The following TLL2 variants were observed in gnomAD, a reference collection of about 807,000 sequenced individuals.
The protein encoded by TLL2 is tolloid-like protein 2.
TLL2 carries 106 observed loss-of-function variants against 123.0 expected under a neutral mutation model. The ratio of observed to expected loss-of-function variants is 0.86; its 90% CI spans 0.74 to 1.01. The LOEUF is 1.01. Ranked by LOEUF, TLL2 falls within the 50% of genes least tolerant of loss-of-function variation. The probability of loss-of-function intolerance (pLI) is 0.00; values close to 1 mark genes in which losing one functional copy is unlikely to be tolerated. For synonymous variants in TLL2, 494 were observed against 516.8 expected, an observed-to-expected ratio of 0.96 and a Z score of 0.60; for missense variants, 1,332 against 1,336.7, an observed-to-expected ratio of 1.00 and a Z score of 0.06.
chr10:96,385,621 G>T (rs1054301144), intron 15 of TLL2, among the ~76,000 whole-genome samples: 4 of 152,316 alleles, frequency 2.6e-5, no homozygotes, highest in Non-Finnish European at 5.9e-5. Flanking sequence ...CACTCCAGCT[G>T]TAGGGTGCTG....
chr10:96,420,946 A>G lies in TLL2; in HGVS notation c.923+10T>C. On this transcript the variant is annotated intron_variant, in intron 7 of 20. Transcript: ENST00000357947. ...TAAAACACAGACGAGGCATAAGCATAGATTCCGACCTTGAGAAGGTGTTCC... is the reference window on the plus strand; with the variant it reads ...TAAAACACAGACGAGGCATAAGCATGGATTCCGACCTTGAGAAGGTGTTCC... 1 of 1,613,280 alleles carries G rather than the reference A, an allele frequency of 6.2e-7. No homozygotes were observed.
intron 1 of TLL2, among the ~76,000 whole-genome samples, chr10:96,512,121 T>C (rs10748681): frequency 0.46 from 69,352 of 151,754 alleles, 16,302 homozygotes; most frequent in South Asian, 0.55. Flanking sequence ...GCAGGAAACT[T>C]CCCTTACTAA....
intron 3 of TLL2, among the ~76,000 whole-genome samples, chr10:96,440,112 C>T (rs1021574610): frequency 1.1e-4 from 17 of 152,152 alleles, no homozygotes; most frequent in Admixed American, 2.0e-4. Context: ...GCTTACTTCA[C>T]CTTTTAGATG....
At chr10:96,415,183 A>G (rs563862568) in intron 7 of TLL2, among the ~76,000 whole-genome samples, 106 of 152,326 alleles carry the variant, frequency 7.0e-4, no homozygotes, top group African/African-American at 2.5e-3. Flanking sequence ...CTTTAATCCC[A>G]TAACCAAAAG....
At chr10:96,436,435 T>G (rs944311998) in intron 3 of TLL2, among the ~76,000 whole-genome samples, 1 of 152,216 alleles carries the variant, frequency 6.6e-6, no homozygotes, top group Non-Finnish European at 1.5e-5. Flanking sequence ...TTACAAAAAT[T>G]TTTGGCTTCT....
rs79488984 is a variant in TLL2, at chr10:96,463,011, G to A, written c.287-16843C>T. Among the ~76,000 whole-genome samples the A allele has an allele frequency of 1.2e-3, 189 of 152,300 alleles. 5 individuals are homozygous for A. In the East Asian group the frequency reaches 0.03, roughly 25 times the overall value. On this transcript the variant is annotated intron_variant, in intron 2 of 20. Coordinates refer to ENST00000357947, the MANE Select transcript of TLL2 (RefSeq NM_012465.4). The stretch of plus-strand genomic sequence containing the variant: ...GCAAATTGGGAGACTCAAATTTTTC[G>A]TTGCTTTGCACATGTCTGTGAATAA...
rs755540351 is a variant in TLL2 at position 96,432,925 on chromosome 10, C to T, written c.402G>A (p.Gly134=). Residue 134 remains glycine (G), a synonymous_variant, in exon 4 of 21, where the codon GGG becomes GGA. Coordinates refer to ENST00000357947, the MANE Select transcript of TLL2 (RefSeq NM_012465.4). The part of the protein sequence containing the change: ...RENTTLLHSP[G]TLHAAAKTFS... Reference sequence around the variant, plus strand: ...AGGTCTTGGCTGCGGCATGCAAGGTCCCAGGGCTGTGCAGGAGTGTGGTAT... The same window carrying T: ...AGGTCTTGGCTGCGGCATGCAAGGTTCCAGGGCTGTGCAGGAGTGTGGTAT... 1 of 1,614,082 alleles carries T rather than the reference C, an allele frequency of 6.2e-7. No individual in the cohort carries two copies. Among genetic ancestry groups the T allele is most frequent in the South Asian group, 1.1e-5 (1 of 91,064 alleles).
At chr10:96,436,116 T>C (rs1846792950) in intron 3 of TLL2, among the ~76,000 whole-genome samples, 2 of 152,246 alleles carry the variant, frequency 1.3e-5, no homozygotes, top group South Asian at 2.1e-4. Flanking sequence ...ATTTTAAGCT[T>C]TATGTGTCAT....
In TLL2 at chr10:96,370,255, A is replaced by T. The variant is rs775454006; in HGVS notation, c.2723T>A (p.Phe908Tyr). The T allele has an allele frequency of 2.5e-6, 4 of 1,612,190 alleles. No individual in the cohort carries two copies. The highest frequency in any genetic ancestry group is 1.3e-5 in the African/African-American group (1 of 74,902). ...QTKELYSHAQ[F>Y]GDNNYPSEAR... ...CTCGCTCGGGTAGTTGTTGTCCCCAAACTGGGCGTGGGAATAGAGCTCTTT... is the reference window on the plus strand; with the variant it reads ...CTCGCTCGGGTAGTTGTTGTCCCCATACTGGGCGTGGGAATAGAGCTCTTT... Residue 908 changes from phenylalanine (F) to tyrosine (Y), a missense_variant, in exon 20 of 21, where the codon TTT (phenylalanine) becomes TAT (tyrosine). By Grantham distance (22) the Phe-to-Tyr change is conservative. Transcript: ENST00000357947.
chr10:96,398,737 G>A (rs7919721), intron 10 of TLL2, among the ~76,000 whole-genome samples: 66,364 of 151,898 alleles, frequency 0.44, 15,047 homozygotes, highest in East Asian at 0.74. Context: ...TATTTGGACT[G>A]GAAGACCATG....
At position 96,387,013 on chromosome 10, in the gene TLL2, T is replaced by A. The variant is rs909853045; in HGVS notation, c.1792A>T (p.Ser598Cys). ...CCAGGGTCACAGGCACACTTGTAGC[T>A]GCCCAGCGTGTTCACACAGCGATGC... ...CEHRCVNTLGSYKCACDPGYE... is the reference protein window; with the variant it reads ...CEHRCVNTLGCYKCACDPGYE... Residue 598 changes from serine (S) to cysteine (C), a missense_variant, in exon 14 of 21, where the codon AGC (serine) becomes TGC (cysteine). Coordinates refer to ENST00000357947, the MANE Select transcript of TLL2 (RefSeq NM_012465.4). 8 of 1,614,132 alleles carry A rather than the reference T, an allele frequency of 5.0e-6. No homozygotes were observed. The highest frequency in any genetic ancestry group is 6.8e-6 in the Non-Finnish European group (8 of 1,180,044).
chr10:96,446,963 A>G (rs995549270), intron 2 of TLL2, among the ~76,000 whole-genome samples: 1 of 152,230 alleles, frequency 6.6e-6, no homozygotes, highest in African/African-American at 2.4e-5. Flanking sequence ...GCAGGTAAGT[A>G]AATTCATGAA....
In TLL2 at chr10:96,386,805, C is replaced by T. The variant is rs994386606; in HGVS notation, c.1852+148G>A. 4.2e-6 allele frequency: 5 copies of T among 1,187,000 alleles called. No homozygotes were observed. In the South Asian group the frequency reaches 7.1e-5, roughly 17 times the overall value. The allele number at this position is 1,187,000 out of a possible 1,614,324, so 73.5% of individuals were successfully genotyped here. A position where few individuals can be genotyped will look rare whatever the true frequency, so the allele number is the denominator to read the frequency against. On this transcript the variant is annotated intron_variant, in intron 14 of 20. Transcript: ENST00000357947. The stretch of plus-strand genomic sequence containing the variant: ...TTGTGACAGCTGTCAGGCTGTTTCT[C>T]CTTCTAGGAAGTAGGTGGGTCTTCC...
intron 1 of TLL2, among the ~76,000 whole-genome samples, chr10:96,489,895 G>A (rs1035813507): frequency 2.0e-5 from 3 of 152,060 alleles, no homozygotes; most frequent in Non-Finnish European, 4.4e-5. Flanking sequence ...TCAGGAGTTC[G>A]AGACCAGCCT....
Position 96,435,854 on chromosome 10 carries a change from C to T in TLL2, c.365-2892G>A, listed in dbSNP as rs181022301. Among the ~76,000 whole-genome samples, 1,499 of 152,284 alleles carry T rather than the reference C, an allele frequency of 9.8e-3. 10 individuals are homozygous for T. The highest frequency in any genetic ancestry group is 0.016 in the Non-Finnish European group (1,057 of 68,028). ...TATTAACATTTTCAAGGCTAAATTT[C>T]TCTCTGACGTCTTGTTTTCCTGTGT... On this transcript the variant is annotated intron_variant, in intron 3 of 20. Transcript: ENST00000357947.
At chr10:96,471,747 C>T (rs148994564) in intron 2 of TLL2, among the ~76,000 whole-genome samples, 44 of 152,260 alleles carry the variant, frequency 2.9e-4, no homozygotes, top group Non-Finnish European at 6.2e-4. Flanking sequence ...CCGACACCCA[C>T]GTCTTCCCAC....
chr10:96,462,218 G>T (rs1256734076), intron 2 of TLL2, among the ~76,000 whole-genome samples: 2 of 152,208 alleles, frequency 1.3e-5, no homozygotes, highest in East Asian at 3.8e-4. Context: ...GTGGTGTTTA[G>T]CACAGCTGAG....
chr10:96,412,837 C>A (rs572589292), intron 8 of TLL2, among the ~76,000 whole-genome samples: 1 of 152,266 alleles, frequency 6.6e-6, no homozygotes, highest in East Asian at 1.9e-4. Context: ...TCCCCTAGTC[C>A]CAGAGAAAGG....
At chr10:96,458,069 G>A (rs1847034642) in intron 2 of TLL2, among the ~76,000 whole-genome samples, 1 of 152,088 alleles carries the variant, frequency 6.6e-6, no homozygotes, top group African/African-American at 2.4e-5. Flanking sequence ...GAGGATTGGT[G>A]GGGAGGGGAA....
Sources: allele counts gnomAD v4.1 joint callset (sites outside exome capture counted in the v4.1 genomes callset), GRCh38; gene constraint gnomAD v4.1.1; transcripts MANE v1.5; gene names NCBI Gene and HGNC (gene_info 2026-07-23, HGNC 2026-07-21).